EPHA6: variants seen among roughly 807,000 people sequenced by gnomAD.
EPHA6 encodes the protein EPH receptor A6, also known as ephrin type-A receptor 6.
In EPHA6, 50 loss-of-function variants were observed where a neutral mutation model predicts 112.0. That is an observed-to-expected ratio of 0.45 (90% CI 0.36 to 0.56). The LOEUF (loss-of-function observed/expected upper bound fraction) is 0.56. Among genes scored for constraint, EPHA6 ranks in the 20% least tolerant of loss-of-function variants. The probability of loss-of-function intolerance (pLI) is 0.00; values close to 1 mark genes in which losing one functional copy is unlikely to be tolerated. For missense variants in EPHA6, 1,280 were observed against 1,417.4 expected (o/e 0.90, Z 1.56); for synonymous variants, 529 against 490.7 (o/e 1.08, Z -1.03).
intron 3 of EPHA6, among the ~76,000 whole-genome samples, chr3:97,207,105 G>GT (rs1294335125): frequency 6.6e-6 from 1 of 152,004 alleles, no homozygotes; most frequent in Non-Finnish European, 1.5e-5. Context: ...CTTGAATATG[G>GT]TATTTCTTTG....
intron 5 of EPHA6, among the ~76,000 whole-genome samples, chr3:97,253,816 T>C (rs1158769104): frequency 6.6e-6 from 1 of 152,178 alleles, no homozygotes; most frequent in Non-Finnish European, 1.5e-5. Flanking sequence ...CTTCTATATA[T>C]AAATAGTGGA....
At chr3:97,279,285 G>A (rs970763536) in intron 5 of EPHA6, among the ~76,000 whole-genome samples, 1 of 151,958 alleles carries the variant, frequency 6.6e-6, no homozygotes, top group Non-Finnish European at 1.5e-5. Context: ...TATTAATAGT[G>A]TTCTTACTGT....
chr3:96,870,811 C>T (rs892336380), intron 2 of EPHA6, among the ~76,000 whole-genome samples: 39 of 152,102 alleles, frequency 2.6e-4, no homozygotes, highest in African/African-American at 8.9e-4. Context: ...AGGTGAAAAT[C>T]AAAGGTTGGA....
chr3:97,090,841 T>A (rs1336848285), intron 3 of EPHA6, among the ~76,000 whole-genome samples: 1 of 152,098 alleles, frequency 6.6e-6, no homozygotes, highest in African/African-American at 2.4e-5. Flanking sequence ...TTTAAATTGC[T>A]TTTTTAGATA....
chr3:97,694,366 A>G (rs1559607557), intron 14 of EPHA6, among the ~76,000 whole-genome samples: 1 of 151,758 alleles, frequency 6.6e-6, no homozygotes, highest in Non-Finnish European at 1.5e-5. Context: ...CCTCCCGAGT[A>G]GCTGAGATTA....
At chr3:97,301,159 T>C (rs140623693) in intron 5 of EPHA6, among the ~76,000 whole-genome samples, 27 of 152,280 alleles carry the variant, frequency 1.8e-4, no homozygotes, top group Admixed American at 8.5e-4. Flanking sequence ...TATCTGATCT[T>C]GGCAGGGTAT....
chr3:96,956,383 G>A (rs2041759747), intron 2 of EPHA6, among the ~76,000 whole-genome samples: 5 of 152,146 alleles, frequency 3.3e-5, no homozygotes, highest in African/African-American at 1.2e-4. Context: ...GATAATGTTA[G>A]TCCAGCAGAA....
intron 14 of EPHA6, among the ~76,000 whole-genome samples, chr3:97,658,977 T>C (rs1177551085): frequency 6.6e-6 from 1 of 151,954 alleles, no homozygotes; most frequent in Non-Finnish European, 1.5e-5. Flanking sequence ...TTGCCTGAGA[T>C]AGAAAATGTA....
rs73133070 is a variant in EPHA6 at position 97,431,826 on chromosome 3, A to G, written c.1732-16742A>G. ...TCAATTGTTGGTTAGCACAGGAATGAAGGGTTTTATTGCTGTCCACCTTCA... is the reference window on the plus strand; with the variant it reads ...TCAATTGTTGGTTAGCACAGGAATGGAGGGTTTTATTGCTGTCCACCTTCA... On this transcript the variant is annotated intron_variant, in intron 6 of 17. Transcript: ENST00000389672. 2.0e-3 allele frequency among the ~76,000 whole-genome samples: 307 copies of G among 152,262 alleles called. 1 individual carries two copies. The highest frequency in any genetic ancestry group is 3.8e-3 in the Non-Finnish European group (258 of 68,016).
At chr3:97,149,838 TA>T (rs1452366826) in intron 3 of EPHA6, among the ~76,000 whole-genome samples, 1 of 147,840 alleles carries the variant, frequency 6.8e-6, no homozygotes, top group East Asian at 1.9e-4. Context: ...GTATGTATTA[TA>T]ATGTATTATA....
chr3:97,128,987 C>A (rs1449541333), intron 3 of EPHA6, among the ~76,000 whole-genome samples: 1 of 151,572 alleles, frequency 6.6e-6, no homozygotes, highest in Non-Finnish European at 1.5e-5. Context: ...GATCCTCCCA[C>A]CTCAGCCTCC....
intron 8 of EPHA6, among the ~76,000 whole-genome samples, chr3:97,478,482 T>C (rs1395857087): frequency 1.3e-5 from 2 of 152,124 alleles, no homozygotes; most frequent in Admixed American, 6.5e-5. Flanking sequence ...AAATTTGTGC[T>C]AAATTATTTT....
At chr3:96,937,458 G>GT (rs573380544) in intron 2 of EPHA6, among the ~76,000 whole-genome samples, 38,391 of 151,792 alleles carry the variant, frequency 0.25, 9,086 homozygotes, top group African/African-American at 0.6. Flanking sequence ...GGGGTTGTTT[G>GT]TTTTTTCTTG....
intron 8 of EPHA6, 84 bp from the exon 9 acceptor site, chr3:97,479,210 A>G (rs2107475912): frequency 1.3e-6 from 1 of 760,330 alleles, no homozygotes; most frequent in East Asian, 2.9e-5. Flanking sequence ...AAATTTGTTC[A>G]TAGATTATAT....
intron 13 of EPHA6, among the ~76,000 whole-genome samples, chr3:97,631,541 A>T (rs1017120433): frequency 6.6e-6 from 1 of 151,970 alleles, no homozygotes; most frequent in South Asian, 2.1e-4. Context: ...TAGTTAGTGA[A>T]CCAAAAAGGC....
intron 10 of EPHA6, among the ~76,000 whole-genome samples, chr3:97,513,323 G>C (rs949582236): frequency 7.2e-5 from 11 of 152,192 alleles, no homozygotes; most frequent in Admixed American, 6.5e-4. Context: ...AATGAATTCA[G>C]TATGTCAAAG....
At chr3:97,014,572 C>T (rs759160281) in intron 3 of EPHA6, among the ~76,000 whole-genome samples, 9 of 152,042 alleles carry the variant, frequency 5.9e-5, no homozygotes, top group Admixed American at 2.0e-4. Context: ...TATATGTATA[C>T]GTGGCATTCT....
intron 3 of EPHA6, among the ~76,000 whole-genome samples, chr3:97,040,107 GATTA>G (rs1426570364): frequency 6.6e-6 from 1 of 151,040 alleles, no homozygotes; most frequent in African/African-American, 2.4e-5. Flanking sequence ...TTATTATAAT[GATTA>G]ATTATAATAA....
At chr3:97,376,223 T>G (rs1361118785) in intron 5 of EPHA6, among the ~76,000 whole-genome samples, 1 of 152,164 alleles carries the variant, frequency 6.6e-6, no homozygotes, top group Non-Finnish European at 1.5e-5. Flanking sequence ...TTCACCCTAA[T>G]AGTAGAGAGT....
Sources: allele counts gnomAD v4.1 joint callset (sites outside exome capture counted in the v4.1 genomes callset), GRCh38; gene constraint gnomAD v4.1.1; transcripts MANE v1.5; gene names NCBI Gene and HGNC (gene_info 2026-07-23, HGNC 2026-07-21).